Variants in BEAN1 observed in about 807,000 individuals in gnomAD.
The protein encoded by BEAN1 is brain expressed associated with NEDD4 1.
In BEAN1, 17 loss-of-function variants were observed where a neutral mutation model predicts 17.7. The ratio of observed to expected loss-of-function variants is 0.96; its 90% CI spans 0.66 to 1.44. BEAN1 has a LOEUF of 1.44. Among genes scored for constraint, BEAN1 ranks in the 40% most tolerant of loss-of-function variants. The pLI, the probability that BEAN1 is intolerant of heterozygous loss-of-function variation, is 0.00. For synonymous variants in BEAN1, 142 were observed against 151.8 expected (o/e 0.94, Z 0.47); for missense variants, 359 against 374.1 (o/e 0.96, Z 0.33).
chr16:66,457,661 G>C (rs1962924497), intron 2 of BEAN1, among the ~76,000 whole-genome samples: 1 of 151,896 alleles, frequency 6.6e-6, no homozygotes, highest in Non-Finnish European at 1.5e-5. Flanking sequence ...CATCTTTCGA[G>C]ACCCAGCCCT....
At chr16:66,462,757 C>T (rs1214809584) in intron 2 of BEAN1, among the ~76,000 whole-genome samples, 3 of 151,592 alleles carry the variant, frequency 2.0e-5, no homozygotes, top group East Asian at 1.9e-4. Context: ...GCTGAGATCG[C>T]GCCATTGCAC....
chr16:66,466,109 C>T (rs145790467), intron 2 of BEAN1, among the ~76,000 whole-genome samples: 269 of 152,282 alleles, frequency 1.8e-3, no homozygotes, highest in African/African-American at 6.0e-3. Context: ...CCACCGCAGC[C>T]GGCCAAATTT....
At chr16:66,448,829 A>G (rs1450388411) in intron 2 of BEAN1, among the ~76,000 whole-genome samples, 1 of 152,110 alleles carries the variant, frequency 6.6e-6, no homozygotes, top group Non-Finnish European at 1.5e-5. Context: ...AAAAAAGAAA[A>G]GAAAAAGAAA....
chr16:66,442,193 G>A (rs1277174163), intron 2 of BEAN1, among the ~76,000 whole-genome samples: 1 of 152,234 alleles, frequency 6.6e-6, no homozygotes, highest in Non-Finnish European at 1.5e-5. Context: ...AGGAGAACCA[G>A]CCTGGCTCTT....
intron 1 of BEAN1, among the ~76,000 whole-genome samples, chr16:66,429,463 G>A (rs1961712030): frequency 6.6e-6 from 1 of 152,136 alleles, no homozygotes. Flanking sequence ...CAAGGAGCGG[G>A]TGGGCGGGCA....
downstream of BEAN1, among the ~76,000 whole-genome samples, chr16:66,494,368 G>A (rs189423428): frequency 2.6e-5 from 4 of 152,138 alleles, no homozygotes; most frequent in African/African-American, 7.2e-5. Flanking sequence ...CCACCTCTAT[G>A]AGCCTCGTTT....
At chr16:66,475,141 ATT>A (rs776549684) in intron 3 of BEAN1, among the ~76,000 whole-genome samples, 2 of 152,204 alleles carry the variant, frequency 1.3e-5, no homozygotes, top group African/African-American at 2.4e-5. Context: ...GTCCTGGACT[ATT>A]TGGATCTGTG....
chr16:66,452,132 A>G (rs1008992432), intron 2 of BEAN1, among the ~76,000 whole-genome samples: 1 of 152,178 alleles, frequency 6.6e-6, no homozygotes, highest in African/African-American at 2.4e-5. Context: ...GTTTAGTGTG[A>G]TGTTGGCAGT....
intron 2 of BEAN1, 22 bp from the exon 3 acceptor site, chr16:66,469,580 T>C (rs2142431925): frequency 1.3e-6 from 2 of 1,529,380 alleles, no homozygotes; most frequent in East Asian, 4.9e-5. Context: ...TCCAGCTCAG[T>C]GTCCTCTCTC....
chr16:66,469,981 T>C, intron 3 of BEAN1, 116 bp downstream of exon 3: 1 of 1,368,554 alleles, frequency 7.3e-7, no homozygotes, highest in Non-Finnish European at 9.7e-7. Context: ...CGGGAAAGCA[T>C]CCTAGAAGTC....
downstream of BEAN1, chr16:66,485,740 G>C (rs963994999): frequency 6.3e-6 from 1 of 157,938 alleles, no homozygotes; most frequent in Non-Finnish European, 1.4e-5. Flanking sequence ...ACTCCTGGGG[G>C]CCTGGGGCTG....
chr16:66,457,785 C>CA (rs60561438), intron 2 of BEAN1, among the ~76,000 whole-genome samples: 14,232 of 137,094 alleles, frequency 0.1, 783 homozygotes, highest in South Asian at 0.23. Flanking sequence ...AAAAGTTGCC[C>CA]AAAAAAAAAA....
chr16:66,481,129 C>T lies in BEAN1; in HGVS notation c.*204C>T, dbSNP rs1343432165. 6 of 463,168 alleles carry T rather than the reference C, an allele frequency of 1.3e-5. No individual in the cohort carries two copies. The highest frequency in any genetic ancestry group is 1.1e-5 in the Non-Finnish European group (3 of 268,234). 28.7% of individuals were successfully genotyped at this position (463,168 alleles called of 1,614,324 possible). On this transcript the variant is annotated 3_prime_UTR_variant, in exon 5 of 5. Coordinates refer to ENST00000536005, the MANE Select transcript of BEAN1 (RefSeq NM_001178020.3). This position sits in a 1 kb window ranked among gnomAD's most constrained non-coding sequence, Gnocchi z 4.1. ...CGTGCTCCACATATGTGTGAATATG[C>T]GCACATACAGGCCTACCACAAACAC...
rs1465838487 is a variant in BEAN1 at position 66,472,480 on chromosome 16, G to T, written c.289+2615G>T. Among the ~76,000 whole-genome samples the T allele has an allele frequency of 2.0e-5, 3 of 152,244 alleles. No individual in the cohort carries two copies. The East Asian group carries it at 5.8e-4, about 29-fold the overall frequency. On this transcript the variant is annotated intron_variant, in intron 3 of 4. Transcript: ENST00000536005. ...GCACTTTGGGAGGCTGAGGCGGACG[G>T]ATCATCTGAAGTCAGGAGTTCAAGA... is the stretch of plus-strand genomic sequence containing the variant.
intron 2 of BEAN1, among the ~76,000 whole-genome samples, chr16:66,459,746 T>G (rs540472462): frequency 6.6e-6 from 1 of 152,282 alleles, no homozygotes; most frequent in Admixed American, 6.5e-5. Flanking sequence ...CTCAAATGCA[T>G]CAAGTCCTCA....
chr16:66,448,212 T>A (rs1381685761), intron 2 of BEAN1, among the ~76,000 whole-genome samples: 1 of 86,806 alleles, frequency 1.2e-5, no homozygotes, highest in Non-Finnish European at 2.4e-5. Context: ...TAGGGTTTGC[T>A]GTTGTTGTTG....
chr16:66,428,708 G>A (rs577572550), intron 1 of BEAN1, among the ~76,000 whole-genome samples: 1 of 152,298 alleles, frequency 6.6e-6, no homozygotes, highest in East Asian at 1.9e-4. Context: ...CACGCAGCCA[G>A]TGGCCAATTG....
chr16:66,477,891 G>A (rs1221235050), intron 4 of BEAN1, 181 bp downstream of exon 4: 2 of 604,710 alleles, frequency 3.3e-6, no homozygotes, highest in Non-Finnish European at 5.2e-6. Flanking sequence ...CTGAGGCAGT[G>A]TGACTTAGCA....
At chr16:66,466,280 A>G (rs980615537) in intron 2 of BEAN1, among the ~76,000 whole-genome samples, 9 of 152,212 alleles carry the variant, frequency 5.9e-5, no homozygotes, top group Non-Finnish European at 1.2e-4. Flanking sequence ...CTGTCTCAAA[A>G]AAAACAAACA....
Sources: allele counts gnomAD v4.1 joint callset (sites outside exome capture counted in the v4.1 genomes callset), GRCh38; gene constraint gnomAD v4.1.1; non-coding constraint Gnocchi (gnomAD v3.1); transcripts MANE v1.5; gene names NCBI Gene and HGNC (gene_info 2026-07-23, HGNC 2026-07-21).